Variants in PIP4K2A observed in about 807,000 individuals in gnomAD.
The protein encoded by PIP4K2A is phosphatidylinositol-5-phosphate 4-kinase type 2 alpha.
A neutral mutation model predicts 42.9 loss-of-function variants in PIP4K2A; 14 were observed. The ratio of observed to expected loss-of-function variants is 0.33; its 90% CI spans 0.22 to 0.51. The LOEUF (loss-of-function observed/expected upper bound fraction) is 0.51. PIP4K2A is among the 20% of genes least tolerant of loss of function. The pLI, the probability that PIP4K2A is intolerant of heterozygous loss-of-function variation, is 0.97. For missense variants in PIP4K2A, 434 were observed against 519.8 expected (o/e 0.83, Z 1.61); for synonymous variants, 192 against 192.2 (o/e 1.00, Z 0.01).
rs1026184490 is a variant in PIP4K2A, at chr10:22,541,962, C to T, written c.878G>A (p.Cys293Tyr). ...VERAEQEEVECEENDGEEEGE... is the reference protein window; with the variant it reads ...VERAEQEEVEYEENDGEEEGE... Reference sequence around the variant, plus strand: ...CTCCTCCTCCCCATCGTTCTCCTCACACTCCACTTCCTCCTGTTCGGCTCT... The same window carrying T: ...CTCCTCCTCCCCATCGTTCTCCTCATACTCCACTTCCTCCTGTTCGGCTCT... Residue 293 changes from cysteine (C) to tyrosine (Y), a missense_variant, in exon 8 of 10, where the codon TGT (cysteine) becomes TAT (tyrosine). Physicochemically the swap from Cys to Tyr is radical, Grantham distance 194. Coordinates refer to ENST00000376573, the MANE Select transcript of PIP4K2A (RefSeq NM_005028.5). 6.2e-7 allele frequency: 1 copy of T among 1,614,174 alleles called. No individual in the cohort carries two copies. Among genetic ancestry groups the T allele is most frequent in the African/African-American group, 1.3e-5 (1 of 75,044 alleles).
chr10:22,569,416 C>T (rs771136324), intron 5 of PIP4K2A, among the ~76,000 whole-genome samples: 14 of 152,206 alleles, frequency 9.2e-5, no homozygotes, highest in Non-Finnish European at 1.8e-4. Flanking sequence ...CAGTCCGAGC[C>T]CCTCTGCACA....
intron 6 of PIP4K2A, among the ~76,000 whole-genome samples, chr10:22,563,823 CTGT>C (rs1400994892): frequency 6.6e-6 from 1 of 152,182 alleles, no homozygotes; most frequent in Admixed American, 6.5e-5. Flanking sequence ...CATCTGGTGA[CTGT>C]TAAGGATTAC....
intron 1 of PIP4K2A, among the ~76,000 whole-genome samples, chr10:22,619,205 T>C (rs954809807): frequency 2.6e-5 from 4 of 152,110 alleles, no homozygotes; most frequent in African/African-American, 9.7e-5. Context: ...GATTCAGGCA[T>C]GTAGCCCACA....
At chr10:22,537,803 G>A (rs1159505396) in intron 9 of PIP4K2A, among the ~76,000 whole-genome samples, 1 of 152,198 alleles carries the variant, frequency 6.6e-6, no homozygotes, top group African/African-American at 2.4e-5. Flanking sequence ...AACAGCAGCA[G>A]CCACAGGTTC....
intron 1 of PIP4K2A, among the ~76,000 whole-genome samples, chr10:22,613,451 T>C (rs1271284574): frequency 6.6e-6 from 1 of 152,084 alleles, no homozygotes; most frequent in African/African-American, 2.4e-5. Context: ...GCGACTTTCC[T>C]GTTCACAGGA....
intron 1 of PIP4K2A, among the ~76,000 whole-genome samples, chr10:22,706,961 T>C (rs57618053): frequency 2.7e-4 from 41 of 152,168 alleles, no homozygotes; most frequent in African/African-American, 9.2e-4. Context: ...ATCTGATAAT[T>C]TGCTACCTCT....
intron 1 of PIP4K2A, among the ~76,000 whole-genome samples, chr10:22,673,202 A>AT (rs1839489038): frequency 1.3e-5 from 2 of 152,126 alleles, no homozygotes; most frequent in Non-Finnish European, 2.9e-5. Context: ...CCTGCCAAGG[A>AT]TGGTTTGGGT....
At chr10:22,669,211 G>A (rs550908821) in intron 1 of PIP4K2A, among the ~76,000 whole-genome samples, 2 of 152,230 alleles carry the variant, frequency 1.3e-5, no homozygotes, top group Non-Finnish European at 2.9e-5. Flanking sequence ...AAGGAAATTA[G>A]AAGAGACCGA....
chr10:22,567,637 A>G (rs1402718846), intron 6 of PIP4K2A: 2 of 723,214 alleles, frequency 2.8e-6, no homozygotes, highest in East Asian at 5.2e-5. Flanking sequence ...CATGCTTGCA[A>G]CAAATAACTG....
intron 1 of PIP4K2A, among the ~76,000 whole-genome samples, chr10:22,659,033 T>G (rs1382755299): frequency 6.6e-6 from 1 of 152,204 alleles, no homozygotes; most frequent in Non-Finnish European, 1.5e-5. Context: ...AACTTGGGTC[T>G]GCCTTGGCTC....
chr10:22,608,063 C>A, intron 2 of PIP4K2A, 40 bp from the exon 3 acceptor site: 1 of 1,337,850 alleles, frequency 7.5e-7, no homozygotes, highest in South Asian at 1.2e-5. Context: ...CAGAGAGAGT[C>A]AATCAGACTT....
intron 1 of PIP4K2A, among the ~76,000 whole-genome samples, chr10:22,627,849 C>G (rs1838478593): frequency 1.3e-5 from 2 of 152,094 alleles, no homozygotes; most frequent in Non-Finnish European, 2.9e-5. Flanking sequence ...TAAGCATTAG[C>G]TGTCACAACA....
intron 1 of PIP4K2A, among the ~76,000 whole-genome samples, chr10:22,610,654 A>G (rs577403289): frequency 6.6e-6 from 1 of 152,308 alleles, no homozygotes; most frequent in South Asian, 2.1e-4. Context: ...TCTTCCCCCA[A>G]AGTGAGTTTA....
chr10:22,655,564 A>G (rs1839083747), intron 1 of PIP4K2A, among the ~76,000 whole-genome samples: 1 of 152,192 alleles, frequency 6.6e-6, no homozygotes, highest in African/African-American at 2.4e-5. Flanking sequence ...TTTTTGATGT[A>G]TTTCCTTCTA....
intron 1 of PIP4K2A, among the ~76,000 whole-genome samples, chr10:22,684,297 T>C (rs190718841): frequency 2.2e-3 from 331 of 152,332 alleles, no homozygotes; most frequent in Non-Finnish European, 2.4e-3. Flanking sequence ...TTAGTATCTG[T>C]GGTACTAACA....
intron 3 of PIP4K2A, among the ~76,000 whole-genome samples, chr10:22,595,572 C>A (rs145294570): frequency 1.4e-4 from 21 of 152,220 alleles, no homozygotes; most frequent in Admixed American, 3.9e-4. Context: ...GCCTGGGCAA[C>A]GTGGTGAAAC....
At chr10:22,662,303 T>C (rs958630639) in intron 1 of PIP4K2A, among the ~76,000 whole-genome samples, 16 of 152,306 alleles carry the variant, frequency 1.1e-4, no homozygotes, top group East Asian at 7.7e-4. Context: ...CCAACTCCTC[T>C]TCTTCTCCTT....
chr10:22,668,467 CT>C (rs886192521), intron 1 of PIP4K2A, among the ~76,000 whole-genome samples: 83 of 152,222 alleles, frequency 5.5e-4, no homozygotes, highest in African/African-American at 2.0e-3. Flanking sequence ...AAACCAGATG[CT>C]TCTGGATCAT....
chr10:22,603,245 T>C (rs1347163494), intron 3 of PIP4K2A, among the ~76,000 whole-genome samples: 1 of 152,194 alleles, frequency 6.6e-6, no homozygotes, highest in Non-Finnish European at 1.5e-5. Context: ...GCAAACCTGG[T>C]ATTATCCTCC....
Sources: allele counts gnomAD v4.1 joint callset (sites outside exome capture counted in the v4.1 genomes callset), GRCh38; gene constraint gnomAD v4.1.1; transcripts MANE v1.5; gene names NCBI Gene and HGNC (gene_info 2026-07-23, HGNC 2026-07-21).